ADGRV1: variants seen among roughly 807,000 people sequenced by gnomAD.
ADGRV1 encodes G-protein coupled receptor 98.
Under a neutral mutation model 596.2 loss-of-function variants are expected in ADGRV1, and 359 were observed. The observed-to-expected ratio is 0.60, with a 90% CI of 0.55 to 0.66. The LOEUF (loss-of-function observed/expected upper bound fraction) is 0.66. Among genes scored for constraint, ADGRV1 ranks in the 30% least tolerant of loss-of-function variants. ADGRV1 has a pLI of 0.00. For missense variants in ADGRV1, 7,274 were observed against 7,575.6 expected, an observed-to-expected ratio of 0.96 and a Z score of 1.48; for synonymous variants, 2,681 against 2,679.2, an observed-to-expected ratio of 1.00 and a Z score of -0.02.
intron 26 of ADGRV1, among the ~76,000 whole-genome samples, chr5:90,680,353 T>C (rs143598537): frequency 0.016 from 2,296 of 142,830 alleles, 43 homozygotes; most frequent in African/African-American, 0.057. Flanking sequence ...AGACTCTGTA[T>C]CAAAGAAAAA....
chr5:90,575,005 T>G (rs10057209), intron 1 of ADGRV1, among the ~76,000 whole-genome samples: 13,537 of 152,096 alleles, frequency 0.089, 1,891 homozygotes, highest in African/African-American at 0.3. Context: ...TAGCCAGGGG[T>G]TTATCAATTT....
At chr5:90,930,817 T>C (rs1250667311) in intron 83 of ADGRV1, among the ~76,000 whole-genome samples, 1 of 152,160 alleles carries the variant, frequency 6.6e-6, no homozygotes, top group Non-Finnish European at 1.5e-5. Flanking sequence ...GAAATATCTC[T>C]CACAATATGA....
intron 45 of ADGRV1, among the ~76,000 whole-genome samples, chr5:90,722,414 A>G (rs1440029522): frequency 6.6e-6 from 1 of 152,104 alleles, no homozygotes; most frequent in East Asian, 1.9e-4. Flanking sequence ...TAGACTCAAA[A>G]GAAGGTCTCT....
At chr5:90,662,861 G>A (rs536219666) in intron 21 of ADGRV1, among the ~76,000 whole-genome samples, 27 of 151,990 alleles carry the variant, frequency 1.8e-4, no homozygotes, top group African/African-American at 4.6e-4. Flanking sequence ...AATATGTGGT[G>A]TTTGGTTTTT....
At chr5:90,808,689 A>G (rs1054203611) in intron 73 of ADGRV1, among the ~76,000 whole-genome samples, 2 of 152,112 alleles carry the variant, frequency 1.3e-5, no homozygotes, top group African/African-American at 2.4e-5. Flanking sequence ...GAGGTTAGGA[A>G]CTCAAGACAA....
chr5:91,009,745 A>G (rs140877838), intron 85 of ADGRV1, among the ~76,000 whole-genome samples: 23 of 152,228 alleles, frequency 1.5e-4, no homozygotes, highest in African/African-American at 5.5e-4. Context: ...GTTATATAAT[A>G]TGTGTTTATA....
intron 85 of ADGRV1, among the ~76,000 whole-genome samples, chr5:91,004,856 G>A (rs1782146156): frequency 6.6e-6 from 1 of 152,100 alleles, no homozygotes; most frequent in African/African-American, 2.4e-5. Flanking sequence ...AGAAGTCCTA[G>A]GGGAGAGAGC....
chr5:90,993,154 C>CTTTTTTTT (rs1235025923), intron 85 of ADGRV1, among the ~76,000 whole-genome samples: 3 of 97,640 alleles, frequency 3.1e-5, no homozygotes, highest in African/African-American at 4.1e-5. Context: ...TTGGTTTTCA[C>CTTTTTTTT]TTTTTTTTTT....
At chr5:90,968,816 A>G (rs1274850162) in intron 84 of ADGRV1, among the ~76,000 whole-genome samples, 1 of 152,178 alleles carries the variant, frequency 6.6e-6, no homozygotes, top group African/African-American at 2.4e-5. Context: ...AGAAGTTTTT[A>G]CTTTAATGAT....
At chr5:90,684,335 TG>T in intron 28 of ADGRV1, 140 bp downstream of exon 28, 8 of 793,296 alleles carry the variant, frequency 1.0e-5, no homozygotes, top group South Asian at 4.8e-5. Flanking sequence ...ACAGTTTACC[TG>T]TAAGGTAACT....
At chr5:91,051,451 G>A (rs111468959) in intron 85 of ADGRV1, among the ~76,000 whole-genome samples, 21 of 151,398 alleles carry the variant, frequency 1.4e-4, no homozygotes, top group East Asian at 5.8e-4. Flanking sequence ...GTAGGCTAAC[G>A]TAAGTTTTCT....
At chr5:90,981,433 G>T (rs1780068112) in intron 84 of ADGRV1, among the ~76,000 whole-genome samples, 1 of 152,164 alleles carries the variant, frequency 6.6e-6, no homozygotes, top group South Asian at 2.1e-4. Flanking sequence ...GGGGCCCCAA[G>T]ATTTATTTTC....
chr5:91,059,147 C>T (rs767822502), intron 85 of ADGRV1, among the ~76,000 whole-genome samples: 50 of 152,290 alleles, frequency 3.3e-4, no homozygotes, highest in African/African-American at 9.6e-4. Context: ...TGAGTACCTA[C>T]GGCATGCCAG....
At chr5:91,076,736 C>A (rs998250382) in intron 86 of ADGRV1, among the ~76,000 whole-genome samples, 19 of 152,130 alleles carry the variant, frequency 1.2e-4, no homozygotes, top group African/African-American at 4.3e-4. Flanking sequence ...ACTACATGTT[C>A]AGCTTTGCCC....
intron 87 of ADGRV1, among the ~76,000 whole-genome samples, chr5:91,132,265 C>G (rs911231343): frequency 6.6e-6 from 1 of 152,112 alleles, no homozygotes; most frequent in African/African-American, 2.4e-5. Flanking sequence ...TATTAAAAAT[C>G]AAAAATCAAT....
At chr5:91,041,996 G>A (rs1785402727) in intron 85 of ADGRV1, among the ~76,000 whole-genome samples, 1 of 152,174 alleles carries the variant, frequency 6.6e-6, no homozygotes, top group Non-Finnish European at 1.5e-5. Flanking sequence ...AAGTATTTTT[G>A]AGTGTGAAGA....
chr5:90,962,357 T>A (rs1050110279), intron 83 of ADGRV1, among the ~76,000 whole-genome samples: 1 of 152,216 alleles, frequency 6.6e-6, no homozygotes, highest in Non-Finnish European at 1.5e-5. Context: ...TATGAACAAC[T>A]GAGAACCTTT....
chr5:90,638,439 C>T (rs1766527208), intron 11 of ADGRV1, among the ~76,000 whole-genome samples: 1 of 151,490 alleles, frequency 6.6e-6, no homozygotes, highest in African/African-American at 2.4e-5. Context: ...TCAAAAATTG[C>T]ACAAAATTAA....
chr5:91,061,922 A>T (rs1400946993), intron 85 of ADGRV1, among the ~76,000 whole-genome samples: 2 of 152,222 alleles, frequency 1.3e-5, no homozygotes, highest in African/African-American at 2.4e-5. Context: ...CTATGTTTTA[A>T]CTATGGTCAT....
Sources: allele counts gnomAD v4.1 joint callset (sites outside exome capture counted in the v4.1 genomes callset), GRCh38; gene constraint gnomAD v4.1.1; transcripts MANE v1.5; gene names NCBI Gene and HGNC (gene_info 2026-07-23, HGNC 2026-07-21).